NRXN1: variants seen among roughly 807,000 people sequenced by gnomAD.
NRXN1 encodes neurexin 1, also known as neurexin-1.
Under a neutral mutation model 150.9 loss-of-function variants are expected in NRXN1, and 39 were observed. That is an observed-to-expected ratio of 0.26 (90% confidence interval 0.20 to 0.34). NRXN1 has a LOEUF of 0.34. Ranked by LOEUF, NRXN1 falls within the 10% of genes least tolerant of loss-of-function variation. NRXN1 has a pLI of 1.00. For synonymous variants in NRXN1, 924 were observed against 757.0 expected, an observed-to-expected ratio of 1.22 and a Z score of -3.62; for missense variants, 1,815 against 1,949.9, an observed-to-expected ratio of 0.93 and a Z score of 1.30.
intron 5 of NRXN1, among the ~76,000 whole-genome samples, chr2:50,830,008 A>G (rs1375117432): frequency 3.2e-5 from 2 of 63,422 alleles, no homozygotes; most frequent in Admixed American, 1.6e-4. Flanking sequence ...GGAAAAAAAA[A>G]AAAAAAAAAA....
intron 5 of NRXN1, among the ~76,000 whole-genome samples, chr2:50,706,457 G>A (rs963905439): frequency 2.0e-5 from 3 of 152,214 alleles, no homozygotes; most frequent in East Asian, 3.9e-4. Flanking sequence ...ATTGATAAGG[G>A]AAACTTGATA....
At chr2:50,058,667 C>A (rs545834968) in intron 19 of NRXN1, among the ~76,000 whole-genome samples, 1 of 152,092 alleles carries the variant, frequency 6.6e-6, no homozygotes, top group Non-Finnish European at 1.5e-5. Flanking sequence ...CTTGGATTGT[C>A]GCTCCCATAA....
At chr2:50,365,590 T>C (rs547037591) in intron 17 of NRXN1, among the ~76,000 whole-genome samples, 32 of 152,230 alleles carry the variant, frequency 2.1e-4, no homozygotes, top group African/African-American at 6.0e-4. Flanking sequence ...AACCTTATAA[T>C]TTATTTCAGC....
chr2:50,578,572 T>G (rs1202423342), intron 8 of NRXN1, among the ~76,000 whole-genome samples: 1 of 152,188 alleles, frequency 6.6e-6, no homozygotes, highest in Admixed American at 6.5e-5. Flanking sequence ...CTATCTTAAT[T>G]CAGATCCTTT....
chr2:50,197,902 T>C (rs968582900), intron 18 of NRXN1, among the ~76,000 whole-genome samples: 100 of 152,178 alleles, frequency 6.6e-4, no homozygotes, highest in African/African-American at 2.3e-3. Flanking sequence ...ACAAAGTTAA[T>C]ACTTCCACAT....
chr2:50,474,240 T>C (rs1014545945), intron 15 of NRXN1, among the ~76,000 whole-genome samples: 1 of 151,908 alleles, frequency 6.6e-6, no homozygotes, highest in African/African-American at 2.4e-5. Flanking sequence ...AGAAAGGATA[T>C]GAATCAGAAA....
chr2:50,904,501 G>C (rs866702097), intron 5 of NRXN1, among the ~76,000 whole-genome samples: 1 of 152,074 alleles, frequency 6.6e-6, no homozygotes, highest in Non-Finnish European at 1.5e-5. Context: ...ACTTGTGAGG[G>C]GATGTCAGAG....
At chr2:50,897,872 T>C (rs1682254707) in intron 5 of NRXN1, among the ~76,000 whole-genome samples, 1 of 152,234 alleles carries the variant, frequency 6.6e-6, no homozygotes, top group Non-Finnish European at 1.5e-5. Context: ...CATCAAAGTG[T>C]GCACTTTAAA....
intron 5 of NRXN1, chr2:50,656,454 T>A: frequency 1.3e-6 from 1 of 753,378 alleles, no homozygotes; most frequent in South Asian, 1.4e-5. Context: ...GTTTCTAGAT[T>A]CTTTTCAGTT....
chr2:50,128,983 C>CAATA (rs1553641018), intron 18 of NRXN1, among the ~76,000 whole-genome samples: 19,245 of 146,516 alleles, frequency 0.13, 1,360 homozygotes, highest in East Asian at 0.17. Context: ...GACTCCATCT[C>CAATA]AATAAATAAA....
intron 21 of NRXN1, among the ~76,000 whole-genome samples, chr2:50,032,225 C>A (rs910479185): frequency 3.9e-5 from 6 of 151,942 alleles, no homozygotes; most frequent in Admixed American, 1.3e-4. Context: ...TTTATTCACT[C>A]GTAATAAATA....
intron 18 of NRXN1, among the ~76,000 whole-genome samples, chr2:50,107,539 A>ATAGATATATATT (rs59921941): frequency 7.7e-6 from 1 of 129,884 alleles, no homozygotes; most frequent in African/African-American, 2.9e-5. Flanking sequence ...ATATATATAT[A>ATAGATATATATT]TTTTTTTTTT....
At chr2:50,496,408 T>C (rs1311061168) in intron 14 of NRXN1, among the ~76,000 whole-genome samples, 1 of 152,190 alleles carries the variant, frequency 6.6e-6, no homozygotes, top group Non-Finnish European at 1.5e-5. Context: ...ATTCCCTCCA[T>C]CCTTTTCTAA....
chr2:50,069,922 C>A (rs531038830), intron 19 of NRXN1, among the ~76,000 whole-genome samples: 1 of 148,018 alleles, frequency 6.8e-6, no homozygotes, highest in Non-Finnish European at 1.5e-5. Context: ...GCGATCTTGG[C>A]TCACTGCAAG....
intron 2 of NRXN1, among the ~76,000 whole-genome samples, chr2:51,011,211 T>C (rs932594085): frequency 2.0e-5 from 3 of 152,066 alleles, no homozygotes; most frequent in Admixed American, 1.3e-4. Context: ...TTTAAGAAAT[T>C]GCCTACTTGT....
At chr2:50,257,301 G>A (rs1383787381) in intron 17 of NRXN1, among the ~76,000 whole-genome samples, 6 of 151,962 alleles carry the variant, frequency 3.9e-5, no homozygotes, top group African/African-American at 1.4e-4. Flanking sequence ...TGTATTTATG[G>A]ATTTCCCCAT....
chr2:50,443,533 G>A (rs772749718), intron 17 of NRXN1, among the ~76,000 whole-genome samples: 1 of 152,138 alleles, frequency 6.6e-6, no homozygotes, highest in Non-Finnish European at 1.5e-5. Context: ...AGTAGAAAGG[G>A]AACTTCACTG....
At chr2:50,261,019 A>G (rs1206423288) in intron 17 of NRXN1, among the ~76,000 whole-genome samples, 2 of 151,720 alleles carry the variant, frequency 1.3e-5, no homozygotes, top group Non-Finnish European at 3.0e-5. Context: ...AAAATCCCTC[A>G]AAAAGACTTC....
chr2:50,323,353 A>G (rs2076173637), intron 17 of NRXN1, among the ~76,000 whole-genome samples: 1 of 152,146 alleles, frequency 6.6e-6, no homozygotes, highest in African/African-American at 2.4e-5. Context: ...CAGTCTGGGG[A>G]CCACATTTTG....
Sources: gnomAD v4.1 joint callset for allele counts (sites outside exome capture counted in the v4.1 genomes callset) on GRCh38, gnomAD v4.1.1 for gene constraint, MANE v1.5 for transcripts, NCBI Gene and HGNC (gene_info 2026-07-23, HGNC 2026-07-21) for gene names.